Variants in TRERF1 observed in about 807,000 individuals in gnomAD.
The protein encoded by TRERF1 is transcriptional-regulating factor 1.
In TRERF1, 27 loss-of-function variants were observed where a neutral mutation model predicts 122.9. The ratio of observed to expected loss-of-function variants is 0.22; its 90% CI spans 0.16 to 0.30. The LOEUF is 0.30. Ranked by LOEUF, TRERF1 falls within the 10% of genes least tolerant of loss-of-function variation. The probability of loss-of-function intolerance (pLI) is 1.00; values close to 1 mark genes in which losing one functional copy is unlikely to be tolerated. For synonymous variants in TRERF1, 636 were observed against 641.7 expected, an observed-to-expected ratio of 0.99 and a Z score of 0.13; for missense variants, 1,248 against 1,560.3, an observed-to-expected ratio of 0.80 and a Z score of 3.37.
intron 10 of TRERF1, among the ~76,000 whole-genome samples, chr6:42,257,383 A>G (rs552855247): frequency 2.0e-5 from 3 of 152,326 alleles, no homozygotes; most frequent in East Asian, 3.9e-4. Flanking sequence ...TATTTCCAAC[A>G]TAACAGTTTC....
intron 3 of TRERF1, among the ~76,000 whole-genome samples, chr6:42,348,202 T>TACACACACAC: frequency 6.9e-6 from 1 of 145,984 alleles, no homozygotes; most frequent in South Asian, 2.1e-4. Context: ...CACACACACA[T>TACACACACAC]ACACACACAC....
At chr6:42,261,108 A>AG (rs1777772102) in intron 8 of TRERF1, among the ~76,000 whole-genome samples, 1 of 151,704 alleles carries the variant, frequency 6.6e-6, no homozygotes, top group South Asian at 2.1e-4. Flanking sequence ...TCTCCACCAG[A>AG]GGGCTCCTCA....
At position 42,275,855 on chromosome 6, in the gene TRERF1, T is replaced by G. The variant is rs1429225039; in HGVS notation, c.-258-6007A>C. On this transcript the variant is annotated intron_variant, in intron 4 of 17. Transcript: ENST00000372922. The surrounding 1 kb of genome is among the most constrained non-coding windows in gnomAD (Gnocchi z 4.1). ...CTTTGGGGCCCATACATATGGTTTC[T>G]GTCACAACGCTGCCACGGTAGCGTG... 6.6e-6 allele frequency among the ~76,000 whole-genome samples: 1 copy of G among 152,234 alleles called. No homozygotes were observed. Among genetic ancestry groups the G allele is most frequent in the Non-Finnish European group, 1.5e-5 (1 of 68,038 alleles).
At chr6:42,378,935 G>A (rs1775395678) in intron 2 of TRERF1, among the ~76,000 whole-genome samples, 1 of 152,028 alleles carries the variant, frequency 6.6e-6, no homozygotes, top group African/African-American at 2.4e-5. Context: ...GGACAACATA[G>A]TAAGACACTG....
chr6:42,354,542 T>C (rs1342546393), intron 3 of TRERF1, among the ~76,000 whole-genome samples: 1 of 152,188 alleles, frequency 6.6e-6, no homozygotes, highest in Non-Finnish European at 1.5e-5. Context: ...CCATCTGTAA[T>C]TCATTTTGGT....
At chr6:42,410,696 A>T (rs73733190) in intron 2 of TRERF1, among the ~76,000 whole-genome samples, 2 of 152,266 alleles carry the variant, frequency 1.3e-5, no homozygotes, top group Admixed American at 6.5e-5. Flanking sequence ...ATCAATGGCC[A>T]TGTGTCTGAT....
At chr6:42,376,020 G>C (rs1047500905) in intron 2 of TRERF1, among the ~76,000 whole-genome samples, 2 of 152,116 alleles carry the variant, frequency 1.3e-5, no homozygotes, top group Non-Finnish European at 2.9e-5. Flanking sequence ...AAATGTGAAG[G>C]CGGTGTGGCT....
intron 4 of TRERF1, among the ~76,000 whole-genome samples, chr6:42,277,170 C>A (rs1457426254): frequency 6.6e-6 from 1 of 152,132 alleles, no homozygotes; most frequent in Non-Finnish European, 1.5e-5. Flanking sequence ...CTGCAGGAGT[C>A]TAGGGTAAAT....
chr6:42,263,952 C>T lies in TRERF1; in HGVS notation c.1636-384G>A, dbSNP rs1778702162. Among the ~76,000 whole-genome samples the T allele has an allele frequency of 6.6e-6, 1 of 152,176 alleles. No homozygotes were observed. The highest frequency in any genetic ancestry group is 6.5e-5 in the Admixed American group (1 of 15,278). On this transcript the variant is annotated intron_variant, in intron 7 of 17. Transcript: ENST00000372922. The surrounding 1 kb of genome is among the most constrained non-coding windows in gnomAD (Gnocchi z 5.6). ...CACTCATTTGTCAAATGGAAATAGG[C>T]ATTCCATCCTAAATTTTATTCAGGT...
intron 2 of TRERF1, among the ~76,000 whole-genome samples, chr6:42,389,785 C>T (rs932650643): frequency 2.6e-5 from 4 of 152,222 alleles, no homozygotes; most frequent in Non-Finnish European, 5.9e-5. Flanking sequence ...AAAGCCCCTA[C>T]AGAACTAACT....
At chr6:42,360,199 C>T (rs564441526) in intron 3 of TRERF1, among the ~76,000 whole-genome samples, 26 of 152,330 alleles carry the variant, frequency 1.7e-4, no homozygotes, top group African/African-American at 6.0e-4. Flanking sequence ...CTCAGTTAAT[C>T]CTTACAGCAA....
In TRERF1 at chr6:42,332,136, T is replaced by G. The variant is rs553453881; in HGVS notation, c.-371+30861A>C. Among the ~76,000 whole-genome samples the G allele has an allele frequency of 4.6e-5, 7 of 152,306 alleles. No homozygotes were observed. The East Asian group carries it at 1.4e-3, about 29-fold the overall frequency. ...TTTTGTATTTTTAGTAGAGACAGGG[T>G]TTCGCCATGTTGGCCAGGCTGGTCT... On this transcript the variant is annotated intron_variant, in intron 3 of 17. Transcript: ENST00000372922.
chr6:42,229,338 A>G (rs1403184534), intron 17 of TRERF1, among the ~76,000 whole-genome samples: 1 of 151,982 alleles, frequency 6.6e-6, no homozygotes, highest in Non-Finnish European at 1.5e-5. Flanking sequence ...GAGTCTTGCT[A>G]TGTTGCCCAT....
intron 15 of TRERF1, among the ~76,000 whole-genome samples, chr6:42,239,800 T>C (rs1054705719): frequency 6.6e-6 from 1 of 152,058 alleles, no homozygotes; most frequent in Non-Finnish European, 1.5e-5. Flanking sequence ...AGGCTGACTG[T>C]GCACACAGTG....
chr6:42,392,260 T>C (rs1777875989), intron 2 of TRERF1, among the ~76,000 whole-genome samples: 1 of 152,196 alleles, frequency 6.6e-6, no homozygotes, highest in South Asian at 2.1e-4. Flanking sequence ...AAGCAGTTGA[T>C]CCTGGATGTG....
At chr6:42,348,894 T>C (rs1768853064) in intron 3 of TRERF1, among the ~76,000 whole-genome samples, 2 of 152,126 alleles carry the variant, frequency 1.3e-5, no homozygotes, top group Admixed American at 1.3e-4. Context: ...TGAAAAGAAG[T>C]GGAAGACTCA....
At chr6:42,343,745 A>G (rs1294004482) in intron 3 of TRERF1, among the ~76,000 whole-genome samples, 2 of 152,222 alleles carry the variant, frequency 1.3e-5, no homozygotes, top group Non-Finnish European at 2.9e-5. Flanking sequence ...TTTTTCAACA[A>G]TCTACTACAG....
At chr6:42,411,434 A>C (rs1483009618) in intron 2 of TRERF1, among the ~76,000 whole-genome samples, 2 of 152,200 alleles carry the variant, frequency 1.3e-5, no homozygotes, top group Non-Finnish European at 2.9e-5. Context: ...CTTGGTCCCA[A>C]TTCGGGACCT....
At chr6:42,374,129 CT>C (rs200639285) in intron 2 of TRERF1, among the ~76,000 whole-genome samples, 5,533 of 131,126 alleles carry the variant, frequency 0.042, 387 homozygotes, top group African/African-American at 0.17. Flanking sequence ...GAGACTCTGT[CT>C]TTTTTTTAAA....
Sources: gnomAD v4.1 joint callset for allele counts (sites outside exome capture counted in the v4.1 genomes callset) on GRCh38, gnomAD v4.1.1 for gene constraint, Gnocchi (gnomAD v3.1) non-coding constraint, MANE v1.5 for transcripts, NCBI Gene and HGNC (gene_info 2026-07-23, HGNC 2026-07-21) for gene names.